CCPG1: variants seen among roughly 807,000 people sequenced by gnomAD.
CCPG1 encodes the protein cell cycle progression protein 1.
A neutral mutation model predicts 81.3 loss-of-function variants in CCPG1; 46 were observed. That is an observed-to-expected ratio of 0.57 (90% CI 0.45 to 0.72). The LOEUF is 0.72. CCPG1 is among the 30% of genes least tolerant of loss of function. The pLI is 0.00. For missense variants in CCPG1, 902 were observed against 937.6 expected (o/e 0.96, Z 0.50); for synonymous variants, 330 against 305.2 (o/e 1.08, Z -0.85).
intron 1 of CCPG1, among the ~76,000 whole-genome samples, chr15:55,396,976 C>T (rs2057029353): frequency 6.6e-6 from 1 of 151,934 alleles, no homozygotes; most frequent in Non-Finnish European, 1.5e-5. Flanking sequence ...CCGAGGTGGG[C>T]GGATCACGAG....
intron 1 of CCPG1, among the ~76,000 whole-genome samples, chr15:55,394,493 T>C (rs1215430955): frequency 6.6e-6 from 1 of 152,136 alleles, no homozygotes; most frequent in Non-Finnish European, 1.5e-5. Context: ...TCCTTCCCTT[T>C]GCCTGCTCCC....
chr15:55,397,238 A>G lies in CCPG1; in HGVS notation c.-9-7805T>C, dbSNP rs79133502. 4.4e-4 allele frequency among the ~76,000 whole-genome samples: 66 copies of G among 151,656 alleles called. No homozygotes were observed. The East Asian group carries it at 0.013, about 29-fold the overall frequency. ...CAAAAAAAAACAAACAAAAAAAAAA[A>G]CCCACAAGATAATAAACAGAGTGGT... On this transcript the variant is annotated intron_variant, in intron 1 of 8. Coordinates refer to ENST00000442196, the MANE Select transcript of CCPG1 (RefSeq NM_001204450.2).
At position 55,360,698 on chromosome 15, in the gene CCPG1, C is replaced by G; in HGVS notation, c.1075G>C (p.Glu359Gln). The G allele has an allele frequency of 6.2e-7, 1 of 1,613,238 alleles. No homozygotes were observed. Among genetic ancestry groups the G allele is most frequent in the Non-Finnish European group, 8.5e-7 (1 of 1,179,810 alleles). Residue 359 changes from glutamate (E) to glutamine (Q), a missense_variant, in exon 8 of 9, where the codon GAA (glutamate) becomes CAA (glutamine). By Grantham distance (29) the Glu-to-Gln change is conservative. Around this residue, in one of 3 missense-constraint regions of CCPG1, gnomAD observed 746 missense variants for 728.6 expected, o/e 1.02. Transcript: ENST00000442196. ...CTGTGTTTTTTCTGCTTTTCCTCTT[C>G]CAAATGCTGCTTAAGTTTCTGATTT... is the stretch of plus-strand genomic sequence containing the variant. The part of the protein sequence containing the change: ...KENQKLKQHL[E>Q]EEKQKKHSFL...
At position 55,385,490 on chromosome 15, in the gene CCPG1, A is replaced by T. The variant is rs2056780869; in HGVS notation, c.175+110T>A. ...CCTACACTGAAGTTCTAATCCTCCA[A>T]CGACCCCTTAGATTAGCCAGAAAGG... On this transcript the variant is annotated intron_variant, in intron 3 of 8. Coordinates refer to ENST00000442196, the MANE Select transcript of CCPG1 (RefSeq NM_001204450.2). 5.2e-6 allele frequency: 3 copies of T among 578,326 alleles called. No homozygotes were observed. In the African/African-American group the frequency reaches 5.8e-5, roughly 11 times the overall value. 35.8% of individuals were successfully genotyped at this position (578,326 alleles called of 1,614,324 possible). A position where few individuals can be genotyped will look rare whatever the true frequency, so the allele number is the denominator to read the frequency against.
In CCPG1 at chr15:55,355,661, A is replaced by C. The variant is rs1313298433; in HGVS notation, c.*559T>G. 1.7e-5 allele frequency: 6 copies of C among 351,116 alleles called. No individual in the cohort carries two copies. The highest frequency in any genetic ancestry group is 4.5e-5 in the Admixed American group (1 of 21,986). The allele number at this position is 351,116 out of a possible 1,614,324, so 21.8% of individuals were successfully genotyped here. A position where few individuals can be genotyped will look rare whatever the true frequency, so the allele number is the denominator to read the frequency against. On this transcript the variant is annotated 3_prime_UTR_variant, in exon 9 of 9. Transcript: ENST00000442196. The stretch of plus-strand genomic sequence containing the variant: ...TTAGTTTTCCTCATGGTGTAGTTTT[A>C]TTGTTTCTTCCACGATATTCAGATG...
In CCPG1 at chr15:55,377,008, T is replaced by C. The variant is rs200510604; in HGVS notation, c.395A>G (p.Glu132Gly). The C allele has an allele frequency of 3.5e-5, 56 of 1,613,798 alleles. No individual in the cohort carries two copies. Among genetic ancestry groups the C allele is most frequent in the Non-Finnish European group, 4.3e-5 (51 of 1,179,978 alleles). Residue 132 changes from glutamate to glycine, a missense_variant, in exon 5 of 9, where the codon GAA (glutamate) becomes GGA (glycine). This residue lies in a region of CCPG1 where 746 missense variants were observed against 728.6 expected (regional missense o/e 1.02). Coordinates refer to ENST00000442196, the MANE Select transcript of CCPG1 (RefSeq NM_001204450.2). ...AGAGGAAGAGCCCATGTTAAAGTCT[T>C]CTGAACTCTGTGCTTCTTCAACAAT... Reference protein sequence around the residue: ...VVIVEEAQSSEDFNMGSSSSS... With the variant: ...VVIVEEAQSSGDFNMGSSSSS...
chr15:55,356,158 C>G lies in CCPG1; in HGVS notation c.*62G>C, dbSNP rs2056073867. On this transcript the variant is annotated 3_prime_UTR_variant, in exon 9 of 9. Transcript: ENST00000442196. ...CTTGGTAATTTCATTAGTTTCAATACCAAACATTATACAAAGCATAAATTT... is the reference window on the plus strand; with the variant it reads ...CTTGGTAATTTCATTAGTTTCAATAGCAAACATTATACAAAGCATAAATTT... The G allele has an allele frequency of 8.0e-7, 1 of 1,250,640 alleles. No individual in the cohort carries two copies. Among genetic ancestry groups the G allele is most frequent in the Non-Finnish European group, 1.1e-6 (1 of 915,756 alleles). 77.5% of individuals were successfully genotyped at this position (1,250,640 alleles called of 1,614,324 possible).
chr15:55,357,320 C>T (rs1192316584), intron 8 of CCPG1: 2 of 984,926 alleles, frequency 2.0e-6, no homozygotes, highest in African/African-American at 3.5e-5. Context: ...TTACTATTTT[C>T]CAAATGTTTT....
chr15:55,358,499 T>C, intron 8 of CCPG1: 1 of 985,476 alleles, frequency 1.0e-6, no homozygotes, highest in Non-Finnish European at 1.2e-6. Context: ...CCTCCAGCTC[T>C]ACCCTGCTTC....
intron 7 of CCPG1, 106 bp downstream of exon 7, chr15:55,365,082 A>G: frequency 1.5e-6 from 1 of 667,568 alleles, no homozygotes; most frequent in Non-Finnish European, 2.6e-6. Flanking sequence ...AACAATGATC[A>G]GCATTATTAC....
intron 1 of CCPG1, among the ~76,000 whole-genome samples, chr15:55,393,048 G>A (rs1299188781): frequency 6.6e-6 from 1 of 152,210 alleles, no homozygotes; most frequent in Non-Finnish European, 1.5e-5. Flanking sequence ...ATGTTGCGGT[G>A]AGCCAAGATG....
At chr15:55,381,114 G>A (rs1283456672) in intron 3 of CCPG1, among the ~76,000 whole-genome samples, 1 of 151,622 alleles carries the variant, frequency 6.6e-6, no homozygotes, top group Non-Finnish European at 1.5e-5. Flanking sequence ...TCCAGCCTGG[G>A]CAACAGAGCA....
rs1184004004 is a variant in CCPG1 at position 55,355,783 on chromosome 15, AAGTG to A, written c.*433_*436del. The A allele has an allele frequency of 4.5e-6, 1 of 222,488 alleles. No homozygotes were observed. Among genetic ancestry groups the A allele is most frequent in the Non-Finnish European group, 8.7e-6 (1 of 115,220 alleles). The allele number at this position is 222,488 out of a possible 1,614,324, so 13.8% of individuals were successfully genotyped here. A position where few individuals can be genotyped will look rare whatever the true frequency, so the allele number is the denominator to read the frequency against. On this transcript the variant is annotated 3_prime_UTR_variant, in exon 9 of 9. Coordinates refer to ENST00000442196, the MANE Select transcript of CCPG1 (RefSeq NM_001204450.2). ...GCTCTTGAACCCACAAAAAGACAAG[AAGTG>A]AGTGTAAGATTATAAAATGTTAATG...
intron 7 of CCPG1, among the ~76,000 whole-genome samples, chr15:55,363,010 A>G (rs545450914): frequency 6.6e-6 from 1 of 152,252 alleles, no homozygotes; most frequent in East Asian, 1.9e-4. Context: ...ACTGCACTCC[A>G]GCCTGGGCAA....
At chr15:55,378,195 T>C in intron 4 of CCPG1, 105 bp downstream of exon 4, 1 of 643,912 alleles carries the variant, frequency 1.6e-6, no homozygotes, top group Non-Finnish European at 2.5e-6. Flanking sequence ...CAAAATTGCT[T>C]ATAATTCAAA....
rs1379963613 is a variant in CCPG1 at position 55,360,400 on chromosome 15, T to G, written c.1373A>C (p.Gln458Pro). ...TCCATCTGTTCCTTGTTTTCCATTTTGATCTTTTGCCTCAACATACAATCT... is the reference window on the plus strand; with the variant it reads ...TCCATCTGTTCCTTGTTTTCCATTTGGATCTTTTGCCTCAACATACAATCT... ...WERLYVEAKDQNGKQGTDGKK... is the reference protein window; with the variant it reads ...WERLYVEAKDPNGKQGTDGKK... The change falls in exon 8 of 9, where the codon CAA becomes CCA. Residue 458 changes from glutamine to proline, a missense_variant. Gln to Pro is a moderately conservative substitution (Grantham distance 76). Around this residue, in one of 3 missense-constraint regions of CCPG1, gnomAD observed 746 missense variants for 728.6 expected, o/e 1.02. Transcript: ENST00000442196. 6.2e-7 allele frequency: 1 copy of G among 1,613,900 alleles called. No homozygotes were observed.
At chr15:55,397,211 C>T (rs1413165883) in intron 1 of CCPG1, among the ~76,000 whole-genome samples, 1 of 141,662 alleles carries the variant, frequency 7.1e-6, no homozygotes, top group Non-Finnish European at 1.6e-5. Flanking sequence ...GAGACTCCGT[C>T]TCAAAAAAAA....
intron 3 of CCPG1, among the ~76,000 whole-genome samples, chr15:55,384,031 C>T (rs891641418): frequency 6.6e-6 from 1 of 152,220 alleles, no homozygotes; most frequent in Admixed American, 6.5e-5. Context: ...TTTGACATGC[C>T]TTCCTCAAAT....
chr15:55,397,417 G>A (rs1402611224), intron 1 of CCPG1, among the ~76,000 whole-genome samples: 2 of 144,652 alleles, frequency 1.4e-5, no homozygotes, highest in Non-Finnish European at 3.0e-5. Context: ...CATTGTGGGG[G>A]AGCAAAGGCA....
Sources: gnomAD v4.1 joint callset for allele counts (sites outside exome capture counted in the v4.1 genomes callset) on GRCh38, gnomAD v4.1.1 for gene constraint, gnomAD v4.1.1 regional missense constraint, MANE v1.5 for transcripts, NCBI Gene and HGNC (gene_info 2026-07-23, HGNC 2026-07-21) for gene names.